ADARB2: variants seen among roughly 807,000 people sequenced by gnomAD.
ADARB2 encodes the protein inactive double-stranded RNA-specific editase B2.
ADARB2 carries 25 observed loss-of-function variants against 62.2 expected under a neutral mutation model. The ratio of observed to expected loss-of-function variants is 0.40; its 90% CI spans 0.29 to 0.56. The LOEUF (loss-of-function observed/expected upper bound fraction) is 0.56, where lower values mean the gene tolerates loss of function less well. Among genes scored for constraint, ADARB2 ranks in the 20% least tolerant of loss-of-function variants. The probability of loss-of-function intolerance (pLI) is 0.43; values close to 1 mark genes in which losing one functional copy is unlikely to be tolerated. For missense variants in ADARB2, 1,071 were observed against 1,077.4 expected (o/e 0.99, Z 0.08); for synonymous variants, 572 against 500.8 (o/e 1.14, Z -1.90).
intron 1 of ADARB2, among the ~76,000 whole-genome samples, chr10:1,662,428 C>G (rs1297530683): frequency 6.6e-6 from 1 of 152,174 alleles, no homozygotes; most frequent in East Asian, 1.9e-4. Flanking sequence ...CCCCTTCCCC[C>G]ACCCAGAGCC....
chr10:1,408,017 C>A (rs1293680464), intron 1 of ADARB2, among the ~76,000 whole-genome samples: 1 of 152,174 alleles, frequency 6.6e-6, no homozygotes, highest in African/African-American at 2.4e-5. Context: ...CACACCCCAC[C>A]TTCCAAGGGC....
chr10:1,314,179 A>G (rs1831716855), intron 3 of ADARB2, among the ~76,000 whole-genome samples: 1 of 152,052 alleles, frequency 6.6e-6, no homozygotes. Context: ...AGGAACCATC[A>G]TAATCATTTT....
At chr10:1,208,935 C>T (rs1012112131) in intron 7 of ADARB2, among the ~76,000 whole-genome samples, 2 of 152,202 alleles carry the variant, frequency 1.3e-5, no homozygotes, top group Non-Finnish European at 2.9e-5. Context: ...GTGGTCGGTG[C>T]TGTCAGGGCA....
At position 1,178,868 on chromosome 10, in the gene ADARB2, A is replaced by C. The variant is rs895746374; in HGVS notation, c.*4325T>G. ...GCCTCACCGGGTTCTGTTGGGTGTT[A>C]TGAGAGGCGGCTGCAGCGATCCAAC... On this transcript the variant is annotated 3_prime_UTR_variant, in exon 10 of 10. Coordinates refer to ENST00000381312, the MANE Select transcript of ADARB2 (RefSeq NM_018702.4). The C allele has an allele frequency of 8.5e-5, 13 of 152,200 alleles. No homozygotes were observed. The highest frequency in any genetic ancestry group is 3.1e-4 in the African/African-American group (13 of 41,446). The allele number at this position is 152,200 out of a possible 1,614,324, so 9.4% of individuals were successfully genotyped here. A position where few individuals can be genotyped will look rare whatever the true frequency, so the allele number is the denominator to read the frequency against.
chr10:1,349,339 C>G (rs1369513641), intron 3 of ADARB2, among the ~76,000 whole-genome samples: 1 of 152,098 alleles, frequency 6.6e-6, no homozygotes, highest in Non-Finnish European at 1.5e-5. Flanking sequence ...TTGGACTCAG[C>G]CCGCCTGCAA....
At chr10:1,445,926 A>G (rs1830962965) in intron 1 of ADARB2, among the ~76,000 whole-genome samples, 1 of 152,216 alleles carries the variant, frequency 6.6e-6, no homozygotes, top group Non-Finnish European at 1.5e-5. Flanking sequence ...GGGGAAGGAA[A>G]AGCAGGTGAA....
At chr10:1,269,873 C>G (rs1312851097) in intron 4 of ADARB2, among the ~76,000 whole-genome samples, 1 of 152,098 alleles carries the variant, frequency 6.6e-6, no homozygotes, top group African/African-American at 2.4e-5. Context: ...TTAGAACATT[C>G]CTAATTCCAC....
intron 7 of ADARB2, among the ~76,000 whole-genome samples, chr10:1,209,463 TCACCCA>T (rs541292786): frequency 0.011 from 1,152 of 101,934 alleles, 9 homozygotes; most frequent in Non-Finnish European, 0.013. Flanking sequence ...ACCCACACCA[TCACCCA>T]CACCCATGCC....
chr10:1,304,027 T>C (rs1329954392), intron 3 of ADARB2, among the ~76,000 whole-genome samples: 35 of 152,064 alleles, frequency 2.3e-4, no homozygotes, highest in African/African-American at 8.0e-4. Context: ...CATAACACTA[T>C]TAACTTTAAA....
intron 1 of ADARB2, among the ~76,000 whole-genome samples, chr10:1,695,430 C>T (rs1056501742): frequency 1.3e-5 from 2 of 152,170 alleles, no homozygotes; most frequent in Non-Finnish European, 1.5e-5. Flanking sequence ...TTCCTTTTAC[C>T]TCAAGCTATC....
At chr10:1,673,327 T>C (rs1256408888) in intron 1 of ADARB2, among the ~76,000 whole-genome samples, 1 of 151,834 alleles carries the variant, frequency 6.6e-6, no homozygotes, top group African/African-American at 2.4e-5. Flanking sequence ...TGTGTGTGTG[T>C]GTGTGTGTGT....
chr10:1,481,856 CAAA>C (rs34445492), intron 1 of ADARB2, among the ~76,000 whole-genome samples: 9 of 135,158 alleles, frequency 6.7e-5, no homozygotes, highest in Admixed American at 1.5e-4. Context: ...GACTCCATCT[CAAA>C]AAAAAAAAAA....
intron 3 of ADARB2, among the ~76,000 whole-genome samples, chr10:1,360,747 C>G (rs974988465): frequency 6.6e-6 from 1 of 152,206 alleles, no homozygotes; most frequent in African/African-American, 2.4e-5. Flanking sequence ...GCTCTGCGCC[C>G]TTCGTCATCC....
At chr10:1,697,357 T>G (rs544401388) in intron 1 of ADARB2, among the ~76,000 whole-genome samples, 1 of 152,264 alleles carries the variant, frequency 6.6e-6, no homozygotes, top group South Asian at 2.1e-4. Flanking sequence ...TGTTGCTCAG[T>G]TTTCAGATGC....
At chr10:1,218,861 A>G (rs914969790) in intron 6 of ADARB2, among the ~76,000 whole-genome samples, 10 of 151,566 alleles carry the variant, frequency 6.6e-5, no homozygotes, top group Admixed American at 1.3e-4. Context: ...TGGCTAACAC[A>G]GTGAAACCCC....
chr10:1,242,315 G>T lies in ADARB2; in HGVS notation c.1193-16C>A, dbSNP rs757578582. 1 of 1,536,616 alleles carries T rather than the reference G, an allele frequency of 6.5e-7. No individual in the cohort carries two copies. The highest frequency in any genetic ancestry group is 2.0e-5 in the Admixed American group (1 of 51,022). On this transcript the variant is annotated splice_polypyrimidine_tract_variant and intron_variant, in intron 4 of 9. Coordinates refer to ENST00000381312, the MANE Select transcript of ADARB2 (RefSeq NM_018702.4). ...GCATCCAGGCCTGGGGACACAGATAGCATCAGAGCAGCGTGGCCCACGGCC... is the reference window on the plus strand; with the variant it reads ...GCATCCAGGCCTGGGGACACAGATATCATCAGAGCAGCGTGGCCCACGGCC...
chr10:1,417,960 C>G (rs979554201), intron 1 of ADARB2, among the ~76,000 whole-genome samples: 3 of 152,210 alleles, frequency 2.0e-5, no homozygotes, highest in African/African-American at 7.2e-5. Flanking sequence ...GTTTACAGAT[C>G]ACAATGTTTA....
At chr10:1,316,248 G>T (rs1360537982) in intron 3 of ADARB2, among the ~76,000 whole-genome samples, 1 of 152,210 alleles carries the variant, frequency 6.6e-6, no homozygotes, top group African/African-American at 2.4e-5. Flanking sequence ...TGTGACAGGC[G>T]GCGTCACACA....
chr10:1,343,476 G>T (rs1589198255), intron 3 of ADARB2, among the ~76,000 whole-genome samples: 2 of 152,180 alleles, frequency 1.3e-5, no homozygotes, highest in South Asian at 4.1e-4. Context: ...AATTCTCAAA[G>T]AACTTAAAAC....
Sources: gnomAD v4.1 joint callset for allele counts (sites outside exome capture counted in the v4.1 genomes callset) on GRCh38, gnomAD v4.1.1 for gene constraint, MANE v1.5 for transcripts, NCBI Gene and HGNC (gene_info 2026-07-23, HGNC 2026-07-21) for gene names.